Variants in KIAA1217 observed in about 807,000 individuals in gnomAD.
KIAA1217 encodes sickle tail protein homolog.
Under a neutral mutation model 163.9 loss-of-function variants are expected in KIAA1217, and 88 were observed. The observed-to-expected ratio is 0.54, with a 90% CI of 0.45 to 0.64. KIAA1217 has a LOEUF of 0.64. Ranked by LOEUF, KIAA1217 falls within the 30% of genes least tolerant of loss-of-function variation. The pLI is 0.00. For synonymous variants in KIAA1217, 903 were observed against 923.1 expected (o/e 0.98, Z 0.39); for missense variants, 2,372 against 2,475.0 (o/e 0.96, Z 0.88).
chr10:24,419,172 C>CA (rs71397949), intron 3 of KIAA1217, among the ~76,000 whole-genome samples: 17,950 of 82,326 alleles, frequency 0.22, 1,356 homozygotes, highest in Non-Finnish European at 0.25. Context: ...GACTCGTCTC[C>CA]AAAAAAAAAA....
At chr10:24,364,670 A>G (rs1257136182) in intron 2 of KIAA1217, among the ~76,000 whole-genome samples, 5 of 152,188 alleles carry the variant, frequency 3.3e-5, no homozygotes, top group Admixed American at 1.3e-4. Flanking sequence ...TAGCAAAGGC[A>G]GGAAAAGATG....
At chr10:24,029,133 T>A (rs1398254546) in intron 2 of KIAA1217, among the ~76,000 whole-genome samples, 1 of 152,176 alleles carries the variant, frequency 6.6e-6, no homozygotes, top group Non-Finnish European at 1.5e-5. Context: ...GTCTATGATT[T>A]TTTTAGGGAG....
At chr10:23,946,267 TAA>T (rs35262067) in intron 1 of KIAA1217, among the ~76,000 whole-genome samples, 14 of 115,678 alleles carry the variant, frequency 1.2e-4, no homozygotes, top group Admixed American at 2.8e-4. Context: ...CTCTTCCGTT[TAA>T]AAAAAAAAAA....
intron 2 of KIAA1217, among the ~76,000 whole-genome samples, chr10:24,292,186 C>A (rs1455756752): frequency 6.6e-6 from 1 of 152,064 alleles, no homozygotes; most frequent in Non-Finnish European, 1.5e-5. Flanking sequence ...TAAAAAGGGA[C>A]CCCAGAGGAT....
intron 2 of KIAA1217, among the ~76,000 whole-genome samples, chr10:24,137,021 T>A (rs2063857837): frequency 6.6e-6 from 1 of 152,316 alleles, no homozygotes; most frequent in East Asian, 1.9e-4. Context: ...AAGATGACGG[T>A]GTCATTAAAA....
At chr10:24,381,089 C>T in intron 3 of KIAA1217, 22 bp downstream of exon 3, 1 of 1,498,966 alleles carries the variant, frequency 6.7e-7, no homozygotes, top group Non-Finnish European at 8.9e-7. Context: ...AAGGCAGTTT[C>T]TGATGCCCCT....
At chr10:24,281,996 G>A (rs1226309384) in intron 2 of KIAA1217, among the ~76,000 whole-genome samples, 4 of 152,080 alleles carry the variant, frequency 2.6e-5, no homozygotes, top group Non-Finnish European at 5.9e-5. Context: ...GGCGGAGCTT[G>A]CAGTGAGCGG....
At chr10:24,511,133 A>G (rs1227056346) in intron 9 of KIAA1217, among the ~76,000 whole-genome samples, 1 of 127,710 alleles carries the variant, frequency 7.8e-6, no homozygotes, top group Non-Finnish European at 1.6e-5. Flanking sequence ...ACCCTGGGCA[A>G]CAGAGTGAGA....
chr10:24,140,640 T>G (rs1416452480), intron 2 of KIAA1217, among the ~76,000 whole-genome samples: 1 of 152,206 alleles, frequency 6.6e-6, no homozygotes, highest in African/African-American at 2.4e-5. Flanking sequence ...CAGAATGGCA[T>G]GCACTTTAAA....
intron 1 of KIAA1217, among the ~76,000 whole-genome samples, chr10:23,805,883 G>T (rs1836711169): frequency 6.6e-6 from 1 of 150,958 alleles, no homozygotes. Flanking sequence ...GGGCGTGGTG[G>T]TGCATGCCTG....
At chr10:23,703,454 A>T (rs1316561090) in intron 1 of KIAA1217, among the ~76,000 whole-genome samples, 2 of 152,178 alleles carry the variant, frequency 1.3e-5, no homozygotes, top group African/African-American at 2.4e-5. Flanking sequence ...TGAAAAGTAC[A>T]AAGACGACAA....
intron 2 of KIAA1217, among the ~76,000 whole-genome samples, chr10:24,268,372 A>G (rs1280588768): frequency 6.6e-6 from 1 of 152,216 alleles, no homozygotes; most frequent in East Asian, 1.9e-4. Context: ...TTAAAAAACA[A>G]ACAACCCCAT....
At chr10:24,208,538 C>T (rs1211325634), upstream of KIAA1217, among the ~76,000 whole-genome samples, 2 of 151,942 alleles carry the variant, frequency 1.3e-5, no homozygotes, top group African/African-American at 4.8e-5. Context: ...TTAATCGGGC[C>T]CTAAAAAGTT....
intron 1 of KIAA1217, among the ~76,000 whole-genome samples, chr10:23,891,883 T>C (rs1281706592): frequency 6.6e-6 from 1 of 151,986 alleles, no homozygotes; most frequent in Non-Finnish European, 1.5e-5. Context: ...GATAAATAAT[T>C]TGTGGTGTTT....
chr10:23,710,134 A>G (rs1191011466), intron 1 of KIAA1217, among the ~76,000 whole-genome samples: 1 of 152,208 alleles, frequency 6.6e-6, no homozygotes, highest in Non-Finnish European at 1.5e-5. Context: ...AACTGAGAAA[A>G]TAGAGTGGCA....
At chr10:24,159,818 A>G (rs950726547) in intron 2 of KIAA1217, among the ~76,000 whole-genome samples, 2 of 152,148 alleles carry the variant, frequency 1.3e-5, no homozygotes, top group Admixed American at 6.5e-5. Flanking sequence ...TAGGTTTTAC[A>G]TTTAGTTCTA....
chr10:24,399,768 T>C (rs575687326), intron 3 of KIAA1217, among the ~76,000 whole-genome samples: 1 of 152,234 alleles, frequency 6.6e-6, no homozygotes, highest in Non-Finnish European at 1.5e-5. Flanking sequence ...AGAAGATTTC[T>C]AGCAATATAG....
intron 2 of KIAA1217, chr10:24,158,147 C>T (rs1277917269): frequency 1.2e-5 from 9 of 751,674 alleles, no homozygotes; most frequent in Non-Finnish European, 2.3e-5. Flanking sequence ...TGGATCAACA[C>T]CTTTAACTTC....
At chr10:24,495,438 G>T (rs554508561) in intron 8 of KIAA1217, among the ~76,000 whole-genome samples, 1 of 152,164 alleles carries the variant, frequency 6.6e-6, no homozygotes, top group East Asian at 1.9e-4. Flanking sequence ...ATGGCCACAC[G>T]GTGGTCATCT....
Sources: gnomAD v4.1 joint callset for allele counts (sites outside exome capture counted in the v4.1 genomes callset) on GRCh38, gnomAD v4.1.1 for gene constraint, MANE v1.5 for transcripts, NCBI Gene and HGNC (gene_info 2026-07-23, HGNC 2026-07-21) for gene names.